The following GABBR2 variants were observed in gnomAD, a reference collection of about 807,000 sequenced individuals.
The protein encoded by GABBR2 is gamma-aminobutyric acid type B receptor subunit 2, also known as G-protein coupled receptor 51.
In GABBR2, 23 loss-of-function variants were observed where a neutral mutation model predicts 105.6. The observed-to-expected ratio is 0.22, with a 90% CI of 0.16 to 0.31. GABBR2 has a LOEUF of 0.31. GABBR2 is among the 10% of genes least tolerant of loss of function. The pLI, the probability that GABBR2 is intolerant of heterozygous loss-of-function variation, is 1.00. For synonymous variants in GABBR2, 478 were observed against 499.7 expected (o/e 0.96, Z 0.58); for missense variants, 734 against 1,245.5 (o/e 0.59, Z 6.18).
At chr9:98,395,776 T>C (rs1179450268) in intron 8 of GABBR2, among the ~76,000 whole-genome samples, 1 of 149,942 alleles carries the variant, frequency 6.7e-6, no homozygotes, top group African/African-American at 2.5e-5. Context: ...TAGGGAAAGG[T>C]TGTGGTTAGA....
At chr9:98,649,265 G>A (rs757846300) in intron 1 of GABBR2, among the ~76,000 whole-genome samples, 44 of 152,276 alleles carry the variant, frequency 2.9e-4, no homozygotes, top group Middle Eastern at 6.8e-3. Flanking sequence ...TAACCTTAGA[G>A]CCTCCTTTAC....
chr9:98,597,604 A>G (rs141636338), intron 1 of GABBR2, among the ~76,000 whole-genome samples: 90 of 152,058 alleles, frequency 5.9e-4, no homozygotes, highest in African/African-American at 1.8e-3. Context: ...CCACAACCTC[A>G]TGAATCTTGG....
intron 11 of GABBR2, among the ~76,000 whole-genome samples, chr9:98,378,407 G>A (rs1588130178): frequency 6.6e-6 from 1 of 152,310 alleles, no homozygotes; most frequent in Middle Eastern, 3.4e-3. Flanking sequence ...GAGGGTGGGG[G>A]CCACAATCCA....
At position 98,670,860 on chromosome 9, in the gene GABBR2, T is replaced by C. The variant is rs552369250; in HGVS notation, c.321+37557A>G. On this transcript the variant is annotated intron_variant, in intron 1 of 18. Coordinates refer to ENST00000259455, the MANE Select transcript of GABBR2 (RefSeq NM_005458.8). The stretch of plus-strand genomic sequence containing the variant: ...GAATGGTGAGTTATGGTTTAATGGA[T>C]ACAGAGTTCAGTTTTACAATATGGA... 3.3e-5 allele frequency among the ~76,000 whole-genome samples: 5 copies of C among 152,304 alleles called. No individual in the cohort carries two copies. The South Asian group carries it at 1.0e-3, about 32-fold the overall frequency.
intron 1 of GABBR2, among the ~76,000 whole-genome samples, chr9:98,660,871 C>A (rs984914709): frequency 6.6e-6 from 1 of 152,210 alleles, no homozygotes; most frequent in Admixed American, 6.5e-5. Flanking sequence ...TTACCTGGGG[C>A]CTACCTGGAT....
At chr9:98,346,065 T>C (rs1027213832) in intron 13 of GABBR2, among the ~76,000 whole-genome samples, 2 of 152,256 alleles carry the variant, frequency 1.3e-5, no homozygotes, top group Non-Finnish European at 2.9e-5. Flanking sequence ...CGGAGGGTTT[T>C]ACCTCCTTAT....
At chr9:98,699,040 G>A (rs1830792958) in intron 1 of GABBR2, among the ~76,000 whole-genome samples, 1 of 152,104 alleles carries the variant, frequency 6.6e-6, no homozygotes, top group Non-Finnish European at 1.5e-5. Context: ...ACTCACCAAG[G>A]CTGATGAACT....
chr9:98,485,496 ACACACG>A (rs1827025250), intron 4 of GABBR2, among the ~76,000 whole-genome samples: 1 of 141,426 alleles, frequency 7.1e-6, no homozygotes, highest in Non-Finnish European at 1.6e-5. Context: ...ACACACATAC[ACACACG>A]CAGGCACACA....
chr9:98,511,351 A>G (rs1827638975), intron 3 of GABBR2, among the ~76,000 whole-genome samples: 1 of 150,456 alleles, frequency 6.6e-6, no homozygotes, highest in Non-Finnish European at 1.5e-5. Context: ...AAGAACTAGA[A>G]AAGCAAGAGC....
chr9:98,490,940 C>T (rs17770838), intron 4 of GABBR2, among the ~76,000 whole-genome samples: 33,622 of 151,824 alleles, frequency 0.22, 4,630 homozygotes, highest in Non-Finnish European at 0.31. Flanking sequence ...AATTTCGATA[C>T]ACATCTGCTA....
In GABBR2 at chr9:98,499,822, C is replaced by T. The variant is rs555731759; in HGVS notation, c.631-3308G>A. Among the ~76,000 whole-genome samples, 32 of 152,304 alleles carry T rather than the reference C, an allele frequency of 2.1e-4. No individual in the cohort carries two copies. The East Asian group carries it at 3.9e-3, about 18-fold the overall frequency. On this transcript the variant is annotated intron_variant, in intron 3 of 18. Transcript: ENST00000259455. ...ATCCCAGCACTTTGGGAGGCCAAGG[C>T]GGGTGGATCACCTGAGGTCAGGAGT...
At position 98,429,497 on chromosome 9, in the gene GABBR2, A is replaced by G. The variant is rs547471701; in HGVS notation, c.1237-23356T>C. On this transcript the variant is annotated intron_variant, in intron 7 of 18. Transcript: ENST00000259455. Reference sequence around the variant, plus strand: ...TTATGGTTTTAGATTTCTGACTTCTATGTCAGTGACCTCGCTACGTACATG... The same window carrying G: ...TTATGGTTTTAGATTTCTGACTTCTGTGTCAGTGACCTCGCTACGTACATG... Among the ~76,000 whole-genome samples, 4 of 152,250 alleles carry G rather than the reference A, an allele frequency of 2.6e-5. No individual in the cohort carries two copies. The East Asian group carries it at 5.8e-4, about 22-fold the overall frequency.
At chr9:98,705,189 T>A (rs1028874462) in intron 1 of GABBR2, among the ~76,000 whole-genome samples, 13 of 152,236 alleles carry the variant, frequency 8.5e-5, no homozygotes, top group Non-Finnish European at 1.5e-5. Flanking sequence ...CTCATTGGAA[T>A]ATATAAACGA....
At chr9:98,571,828 C>T (rs1007869362) in intron 2 of GABBR2, among the ~76,000 whole-genome samples, 21 of 152,178 alleles carry the variant, frequency 1.4e-4, no homozygotes, top group Admixed American at 2.6e-4. Flanking sequence ...GGCTTGCTTG[C>T]AGGAGGTGGA....
chr9:98,471,248 C>T (rs1017693388), intron 6 of GABBR2, among the ~76,000 whole-genome samples: 1 of 152,160 alleles, frequency 6.6e-6, no homozygotes, highest in African/African-American at 2.4e-5. Context: ...GGGATTGGGT[C>T]TCCTGGACTT....
chr9:98,316,155 CTTTT>C (rs3059584), intron 13 of GABBR2, among the ~76,000 whole-genome samples: 1 of 146,232 alleles, frequency 6.8e-6, no homozygotes, highest in African/African-American at 2.5e-5. Flanking sequence ...TTTCAACTGG[CTTTT>C]TTTTTTTTCG....
At chr9:98,703,791 GTCTA>G (rs748763958) in intron 1 of GABBR2, among the ~76,000 whole-genome samples, 93 of 143,358 alleles carry the variant, frequency 6.5e-4, no homozygotes, top group Non-Finnish European at 7.9e-4. Flanking sequence ...ACCACACTCA[GTCTA>G]TCTTTTTATT....
intron 17 of GABBR2, among the ~76,000 whole-genome samples, chr9:98,297,859 TAA>T (rs145636576): frequency 1.2e-4 from 17 of 139,236 alleles, no homozygotes; most frequent in Admixed American, 2.2e-4. Context: ...CTGTCTCTAC[TAA>T]AAAAAAAAAA....
At chr9:98,431,346 A>C (rs557126840) in intron 7 of GABBR2, among the ~76,000 whole-genome samples, 1 of 152,188 alleles carries the variant, frequency 6.6e-6, no homozygotes. Context: ...TGCTCCTGGC[A>C]CTAGACTGTA....
Sources: gnomAD v4.1 joint callset for allele counts (sites outside exome capture counted in the v4.1 genomes callset) on GRCh38, gnomAD v4.1.1 for gene constraint, MANE v1.5 for transcripts, NCBI Gene and HGNC (gene_info 2026-07-23, HGNC 2026-07-21) for gene names.